SCAPER: variants seen among roughly 807,000 people sequenced by gnomAD.
The protein encoded by SCAPER is S phase cyclin A-associated protein in the endoplasmic reticulum.
A neutral mutation model predicts 182.2 loss-of-function variants in SCAPER; 98 were observed. The observed-to-expected ratio is 0.54, with a 90% CI of 0.46 to 0.64. The LOEUF (loss-of-function observed/expected upper bound fraction) is 0.64, where lower values mean the gene tolerates loss of function less well. Among genes scored for constraint, SCAPER ranks in the 30% least tolerant of loss-of-function variants. The pLI is 0.00. For missense variants in SCAPER, 1,432 were observed against 1,690.0 expected (o/e 0.85, Z 2.68); for synonymous variants, 605 against 564.6 (o/e 1.07, Z -1.01).
intron 22 of SCAPER, among the ~76,000 whole-genome samples, chr15:76,600,422 TGTGTGTGTATAC>T (rs1427192337): frequency 2.0e-5 from 2 of 98,148 alleles, no homozygotes; most frequent in African/African-American, 2.9e-5. Flanking sequence ...TGTGTGTGTG[TGTGTGTGTATAC>T]ATATACATAT....
intron 21 of SCAPER, among the ~76,000 whole-genome samples, chr15:76,649,644 A>G (rs1477256598): frequency 2.6e-5 from 4 of 151,014 alleles, no homozygotes; most frequent in Admixed American, 2.6e-4. Context: ...CATCAGATAC[A>G]GTAAAAAAGA....
At position 76,703,133 on chromosome 15, in the gene SCAPER, G is replaced by A. The variant is rs566496237; in HGVS notation, c.2248-131C>T. 3.1e-6 allele frequency: 3 copies of A among 969,210 alleles called. No homozygotes were observed. In the Admixed American group the frequency reaches 9.5e-5, roughly 31 times the overall value. 60.0% of individuals were successfully genotyped at this position (969,210 alleles called of 1,614,324 possible). A position where few individuals can be genotyped will look rare whatever the true frequency, so the allele number is the denominator to read the frequency against. On this transcript the variant is annotated intron_variant, in intron 18 of 31. Transcript: ENST00000563290. ...TTTCTATGACAACTTACACACTGAA[G>A]ACAAAGCTTTACACAAAGCCCTTTA...
chr15:76,454,374 A>G (rs983598274), intron 25 of SCAPER, among the ~76,000 whole-genome samples: 1 of 152,110 alleles, frequency 6.6e-6, no homozygotes, highest in Non-Finnish European at 1.5e-5. Flanking sequence ...TGTGGCTTTA[A>G]TTTTTTAAGT....
chr15:76,348,925 T>C, intron 31 of SCAPER, 189 bp from the exon 32 acceptor site: 1 of 444,884 alleles, frequency 2.2e-6, no homozygotes, highest in Non-Finnish European at 4.1e-6. Context: ...ATAAAATATA[T>C]GACATATATT....
Position 76,841,899 on chromosome 15 carries a change from A to G in SCAPER, c.228T>C (p.Ser76=), listed in dbSNP as rs1407972437. 2 of 1,613,916 alleles carry G rather than the reference A, an allele frequency of 1.2e-6. No homozygotes were observed. The highest frequency in any genetic ancestry group is 3.3e-4 in the Middle Eastern group (2 of 6,058). Residue 76 remains serine, a synonymous_variant, in exon 5 of 32, where the codon TCT becomes TCC. Coordinates refer to ENST00000563290, the MANE Select transcript of SCAPER (RefSeq NM_020843.4). ...STAVDCKITS[S]TTGDKHFDKS... ...TATCAAAGTGTTTATCTCCAGTCGT[A>G]GACGATGTTATTTTACAGTCCACTG...
chr15:76,849,841 T>A (rs557758296), intron 4 of SCAPER, among the ~76,000 whole-genome samples: 1 of 152,326 alleles, frequency 6.6e-6, no homozygotes, highest in South Asian at 2.1e-4. Flanking sequence ...TCCATATGGC[T>A]GGAGAGCCCT....
intron 21 of SCAPER, among the ~76,000 whole-genome samples, chr15:76,628,276 G>A (rs190809905): frequency 2.0e-5 from 3 of 152,220 alleles, no homozygotes; most frequent in Non-Finnish European, 2.9e-5. Context: ...AGGCTCTTTC[G>A]TTTAATTAGA....
chr15:76,509,296 AT>A (rs1034474655), intron 23 of SCAPER, among the ~76,000 whole-genome samples: 5 of 152,022 alleles, frequency 3.3e-5, no homozygotes, highest in African/African-American at 1.2e-4. Context: ...CAGCCTCCAA[AT>A]TCTGAATATT....
In SCAPER at chr15:76,603,946, T is replaced by G. The variant is rs1265770482; in HGVS notation, c.2711+17818A>C. Among the ~76,000 whole-genome samples the G allele has an allele frequency of 4.1e-5, 5 of 121,852 alleles. 2 individuals are homozygous for G. Among genetic ancestry groups the G allele is most frequent in the Non-Finnish European group, 8.0e-5 (4 of 50,180 alleles). 79.9% of individuals were successfully genotyped at this position (121,852 alleles called of 152,430 possible). On this transcript the variant is annotated intron_variant, in intron 22 of 31. Transcript: ENST00000563290. ...TTAGCCCTTTGTCAGATGAGTAGGT[T>G]GCAAAAATCTTCTCCCATTCTGTAG...
intron 23 of SCAPER, among the ~76,000 whole-genome samples, chr15:76,540,058 C>T (rs1015840358): frequency 6.6e-6 from 1 of 151,968 alleles, no homozygotes; most frequent in African/African-American, 2.4e-5. Flanking sequence ...AAAATAATTC[C>T]CAGGGTGAAG....
chr15:76,863,987 G>A (rs1478496586), intron 2 of SCAPER, among the ~76,000 whole-genome samples: 1 of 152,120 alleles, frequency 6.6e-6, no homozygotes, highest in Non-Finnish European at 1.5e-5. Context: ...TACCCACTGT[G>A]TGAGTGAGCC....
At chr15:76,463,585 T>C (rs989808032) in intron 25 of SCAPER, among the ~76,000 whole-genome samples, 4 of 152,158 alleles carry the variant, frequency 2.6e-5, no homozygotes, top group Non-Finnish European at 5.9e-5. Flanking sequence ...AGCATATTCA[T>C]TAAATATTTC....
At chr15:76,778,639 GTGTA>G (rs1036472357) in intron 8 of SCAPER, among the ~76,000 whole-genome samples, 4 of 144,252 alleles carry the variant, frequency 2.8e-5, no homozygotes, top group African/African-American at 1.1e-4. Flanking sequence ...ATAAGTGTGA[GTGTA>G]TGTGTGTGTG....
At chr15:76,661,651 G>C (rs2056178076) in intron 21 of SCAPER, among the ~76,000 whole-genome samples, 1 of 152,116 alleles carries the variant, frequency 6.6e-6, no homozygotes, top group African/African-American at 2.4e-5. Context: ...ATGCCGGTCA[G>C]AATAGCGATT....
At chr15:76,436,596 T>C (rs898956572) in intron 25 of SCAPER, among the ~76,000 whole-genome samples, 3 of 152,146 alleles carry the variant, frequency 2.0e-5, no homozygotes, top group Non-Finnish European at 4.4e-5. Context: ...TATCTTCTCA[T>C]CTTTGTGAAA....
At chr15:76,732,522 G>C (rs1015817371) in intron 16 of SCAPER, among the ~76,000 whole-genome samples, 4 of 132,280 alleles carry the variant, frequency 3.0e-5, no homozygotes, top group Non-Finnish European at 4.9e-5. Flanking sequence ...AGGGCTGCTT[G>C]GTCTAGTGGT....
chr15:76,868,027 T>C (rs534501619), intron 2 of SCAPER, among the ~76,000 whole-genome samples: 39 of 151,990 alleles, frequency 2.6e-4, no homozygotes, highest in Non-Finnish European at 4.7e-4. Flanking sequence ...TAAAGAATGA[T>C]AGAGTCATAA....
intron 24 of SCAPER, among the ~76,000 whole-genome samples, chr15:76,474,015 T>C (rs574040652): frequency 2.6e-4 from 40 of 152,212 alleles, no homozygotes; most frequent in Non-Finnish European, 5.1e-4. Context: ...TTCCTCTTGT[T>C]GGCCAGGCTG....
intron 23 of SCAPER, among the ~76,000 whole-genome samples, chr15:76,508,071 T>C (rs1048347736): frequency 6.6e-6 from 1 of 150,464 alleles, no homozygotes; most frequent in Non-Finnish European, 1.5e-5. Flanking sequence ...CTTGTGCCCA[T>C]CTTATTCACT....
Sources: allele counts gnomAD v4.1 joint callset (sites outside exome capture counted in the v4.1 genomes callset), GRCh38; gene constraint gnomAD v4.1.1; transcripts MANE v1.5; gene names NCBI Gene and HGNC (gene_info 2026-07-23, HGNC 2026-07-21).